Variants in GNG7 observed in about 807,000 individuals in gnomAD.
The protein encoded by GNG7 is guanine nucleotide-binding protein G(I)/G(S)/G(O) subunit gamma-7.
In GNG7, 1 loss-of-function variant was observed where a neutral mutation model predicts 4.0. The ratio of observed to expected loss-of-function variants is 0.25; its 90% confidence interval spans 0.09 to 1.18. The LOEUF is 1.18. Ranked by LOEUF, GNG7 falls within the 50% of genes most tolerant of loss-of-function variation. The pLI is 0.50. For missense variants in GNG7, 86 were observed against 91.9 expected, an observed-to-expected ratio of 0.94 and a Z score of 0.26; for synonymous variants, 34 against 36.9, an observed-to-expected ratio of 0.92 and a Z score of 0.29.
In GNG7 at chr19:2,626,924, G is replaced by A. The variant is rs1982036019; in HGVS notation, c.-78+19300C>T. On this transcript the variant is annotated intron_variant, in intron 2 of 4. Coordinates refer to ENST00000382159, the MANE Select transcript of GNG7 (RefSeq NM_052847.3). This position sits in a 1 kb window ranked among gnomAD's most constrained non-coding sequence, Gnocchi z 5.0. Reference sequence around the variant, plus strand: ...TGTCAGTGTCCACAGTGCCCAGGGGGAGAGACCTGCTTTAATTATTTGGGA... The same window carrying A: ...TGTCAGTGTCCACAGTGCCCAGGGGAAGAGACCTGCTTTAATTATTTGGGA... Among the ~76,000 whole-genome samples the A allele has an allele frequency of 6.6e-6, 1 of 151,890 alleles. No homozygotes were observed. The highest frequency in any genetic ancestry group is 2.4e-5 in the African/African-American group (1 of 41,326).
intron 1 of GNG7, among the ~76,000 whole-genome samples, chr19:2,680,097 A>G (rs1983692551): frequency 6.6e-6 from 1 of 151,650 alleles, no homozygotes; most frequent in Admixed American, 6.6e-5. Flanking sequence ...AGGATCGCTT[A>G]AGCCCAGGAG....
intron 1 of GNG7, among the ~76,000 whole-genome samples, chr19:2,658,708 A>T (rs1191771338): frequency 6.6e-6 from 1 of 152,218 alleles, no homozygotes; most frequent in Non-Finnish European, 1.5e-5. Context: ...AGGTCCCTAG[A>T]GAGTGAGCCA....
At chr19:2,686,513 G>C (rs905045840) in intron 1 of GNG7, among the ~76,000 whole-genome samples, 2 of 151,988 alleles carry the variant, frequency 1.3e-5, no homozygotes, top group Non-Finnish European at 2.9e-5. Flanking sequence ...TCAACACCCC[G>C]GCCCGGTGCC....
chr19:2,584,393 G>A (rs1474094873), intron 2 of GNG7, among the ~76,000 whole-genome samples: 1 of 151,416 alleles, frequency 6.6e-6, no homozygotes, highest in African/African-American at 2.4e-5. Flanking sequence ...GCAGTGAGCT[G>A]TGATTGCATC....
intron 2 of GNG7, among the ~76,000 whole-genome samples, chr19:2,572,675 C>A (rs897525290): frequency 1.3e-5 from 2 of 149,766 alleles, no homozygotes; most frequent in Non-Finnish European, 3.0e-5. Flanking sequence ...CTCGGTGAAG[C>A]CTTGAATTCC....
At chr19:2,619,763 G>A (rs1174068705) in intron 2 of GNG7, among the ~76,000 whole-genome samples, 4 of 152,044 alleles carry the variant, frequency 2.6e-5, no homozygotes, top group African/African-American at 4.8e-5. Flanking sequence ...CAGGGCTGCC[G>A]GGGGGAGATG....
At chr19:2,608,041 T>C (rs1599419325) in intron 2 of GNG7, among the ~76,000 whole-genome samples, 1 of 122,380 alleles carries the variant, frequency 8.2e-6, no homozygotes, top group Non-Finnish European at 1.6e-5. Flanking sequence ...GAAGATCAGA[T>C]GGTATTTGAG....
intron 2 of GNG7, among the ~76,000 whole-genome samples, chr19:2,620,677 A>G (rs1024693407): frequency 2.6e-5 from 4 of 152,086 alleles, no homozygotes; most frequent in African/African-American, 9.7e-5. Context: ...CCCCCAGCCA[A>G]CGTGGGTCGG....
At chr19:2,585,254 T>A (rs189158140) in intron 2 of GNG7, among the ~76,000 whole-genome samples, 4 of 152,326 alleles carry the variant, frequency 2.6e-5, no homozygotes, top group African/African-American at 9.6e-5. Flanking sequence ...CACAATTACA[T>A]ACATATAATT....
At chr19:2,673,444 G>A (rs1599455294) in intron 1 of GNG7, among the ~76,000 whole-genome samples, 1 of 152,154 alleles carries the variant, frequency 6.6e-6, no homozygotes, top group East Asian at 1.9e-4. Flanking sequence ...TGTAATCCCA[G>A]CACTTTGGGA....
chr19:2,523,880 C>T (rs747131214), intron 3 of GNG7, among the ~76,000 whole-genome samples: 10 of 152,160 alleles, frequency 6.6e-5, no homozygotes, highest in East Asian at 1.9e-4. Flanking sequence ...TTCCAGCAGA[C>T]GTCCCACCCC....
chr19:2,644,332 T>TATATAC (rs1982602258), intron 2 of GNG7, among the ~76,000 whole-genome samples: 2 of 4,270 alleles, frequency 4.7e-4, no homozygotes, highest in Non-Finnish European at 1.0e-3. Flanking sequence ...ACACTTTATA[T>TATATAC]ATATATATAT....
chr19:2,537,610 G>T (rs1434541123), intron 3 of GNG7, among the ~76,000 whole-genome samples: 1 of 152,170 alleles, frequency 6.6e-6, no homozygotes, highest in Non-Finnish European at 1.5e-5. Context: ...AATACACTGA[G>T]CATGCTCAAA....
chr19:2,647,897 G>A (rs1394054984), intron 1 of GNG7, among the ~76,000 whole-genome samples: 4 of 151,618 alleles, frequency 2.6e-5, no homozygotes, highest in Non-Finnish European at 5.9e-5. Context: ...GTGTGGTGGT[G>A]GGCGCCCGTA....
rs567368327 is a variant in GNG7 at position 2,654,999 on chromosome 19, C to T, written c.-134-8719G>A. Among the ~76,000 whole-genome samples, 10 of 152,216 alleles carry T rather than the reference C, an allele frequency of 6.6e-5. No individual in the cohort carries two copies. The South Asian group carries it at 1.9e-3, about 28-fold the overall frequency. ...CTCAAGAGTTCAAGACCAGCCTGGACCACATAGCAAGACCCCATCTCTACA... is the reference window on the plus strand; with the variant it reads ...CTCAAGAGTTCAAGACCAGCCTGGATCACATAGCAAGACCCCATCTCTACA... On this transcript the variant is annotated intron_variant, in intron 1 of 4. Transcript: ENST00000382159.
chr19:2,551,532 T>C (rs1046551400), intron 3 of GNG7, among the ~76,000 whole-genome samples: 5 of 104,336 alleles, frequency 4.8e-5, no homozygotes, highest in Non-Finnish European at 7.4e-5. Flanking sequence ...TATATAAAAA[T>C]ATATTTATAT....
chr19:2,678,982 A>T (rs996087238), intron 1 of GNG7, among the ~76,000 whole-genome samples: 2 of 152,190 alleles, frequency 1.3e-5, no homozygotes, highest in African/African-American at 4.8e-5. Context: ...AACAGACTTC[A>T]TCGTTTTCTG....
chr19:2,576,031 A>ACATG (rs1980326853), intron 2 of GNG7, among the ~76,000 whole-genome samples: 1 of 75,878 alleles, frequency 1.3e-5, no homozygotes, highest in African/African-American at 1.5e-4. Flanking sequence ...AGACACACAC[A>ACATG]CAGACACACA....
rs944268536 is a variant in GNG7 at position 2,663,650 on chromosome 19, G to A, written c.-134-17370C>T. Among the ~76,000 whole-genome samples, 4 of 152,282 alleles carry A rather than the reference G, an allele frequency of 2.6e-5. No individual in the cohort carries two copies. The South Asian group carries it at 8.3e-4, about 32-fold the overall frequency. Reference sequence around the variant, plus strand: ...ATATCTATCAACCTGATAATTGGGAGAGATGCAAAAGCCCAGATGGATAAG... The same window carrying A: ...ATATCTATCAACCTGATAATTGGGAAAGATGCAAAAGCCCAGATGGATAAG... On this transcript the variant is annotated intron_variant, in intron 1 of 4. Coordinates refer to ENST00000382159, the MANE Select transcript of GNG7 (RefSeq NM_052847.3).
Sources: gnomAD v4.1 joint callset for allele counts (sites outside exome capture counted in the v4.1 genomes callset) on GRCh38, gnomAD v4.1.1 for gene constraint, Gnocchi (gnomAD v3.1) non-coding constraint, MANE v1.5 for transcripts, NCBI Gene and HGNC (gene_info 2026-07-23, HGNC 2026-07-21) for gene names.